The following RALYL variants were observed in gnomAD, a reference collection of about 807,000 sequenced individuals.
RALYL encodes the protein RALY RNA binding protein like.
In RALYL, 29 loss-of-function variants were observed where a neutral mutation model predicts 35.1. The ratio of observed to expected loss-of-function variants is 0.83; its 90% CI spans 0.61 to 1.13. The LOEUF is 1.13. Ranked by LOEUF, RALYL falls within the 50% of genes most tolerant of loss-of-function variation. The pLI is 0.00. For missense variants in RALYL, 359 were observed against 360.4 expected (o/e 1.00, Z 0.03); for synonymous variants, 120 against 127.6 (o/e 0.94, Z 0.40).
intron 2 of RALYL, among the ~76,000 whole-genome samples, chr8:84,535,438 CT>C (rs35056318): frequency 4.5e-4 from 60 of 134,590 alleles, no homozygotes; most frequent in South Asian, 9.4e-4. Context: ...GCATCCCTGC[CT>C]TTTTTTTTTT....
chr8:84,387,333 C>T (rs1859452117), intron 1 of RALYL, among the ~76,000 whole-genome samples: 1 of 151,844 alleles, frequency 6.6e-6, no homozygotes, highest in Non-Finnish European at 1.5e-5. Flanking sequence ...AGCATGTTAT[C>T]AAATCTTCTC....
chr8:84,906,739 G>C (rs939976336), intron 8 of RALYL, among the ~76,000 whole-genome samples: 1 of 150,670 alleles, frequency 6.6e-6, no homozygotes, highest in African/African-American at 2.4e-5. Context: ...ATTTTATCCA[G>C]ATAGCATTCA....
intron 4 of RALYL, among the ~76,000 whole-genome samples, chr8:84,843,950 C>T (rs1834010912): frequency 6.6e-6 from 1 of 152,172 alleles, no homozygotes; most frequent in South Asian, 2.1e-4. Context: ...TTCTTTACAC[C>T]TTATACAAAA....
At chr8:84,725,546 G>A (rs1156972974) in intron 2 of RALYL, among the ~76,000 whole-genome samples, 1 of 151,688 alleles carries the variant, frequency 6.6e-6, no homozygotes, top group African/African-American at 2.4e-5. Flanking sequence ...ACACATAGAA[G>A]AATGATGTTT....
chr8:84,576,842 A>C (rs1282383177), intron 2 of RALYL, among the ~76,000 whole-genome samples: 1 of 152,144 alleles, frequency 6.6e-6, no homozygotes, highest in Admixed American at 6.5e-5. Flanking sequence ...CTGGCTTCTG[A>C]AGACATTTGA....
chr8:84,572,240 G>GT (rs1486600697), intron 2 of RALYL, among the ~76,000 whole-genome samples: 2 of 151,368 alleles, frequency 1.3e-5, no homozygotes, highest in African/African-American at 2.4e-5. Context: ...TTTTGTTTTT[G>GT]TTTTTTATCC....
chr8:84,240,387 A>G (rs562051072), intron 1 of RALYL, among the ~76,000 whole-genome samples: 1 of 152,342 alleles, frequency 6.6e-6, no homozygotes. Context: ...GATCTAGAAT[A>G]TCGAAAGTCT....
intron 1 of RALYL, among the ~76,000 whole-genome samples, chr8:84,367,043 A>G (rs201061712): frequency 6.6e-6 from 1 of 151,872 alleles, no homozygotes; most frequent in East Asian, 1.9e-4. Flanking sequence ...CACTCCGTAG[A>G]AATTCTCTTG....
chr8:84,220,003 T>C (rs1008956055), intron 1 of RALYL, among the ~76,000 whole-genome samples: 1 of 152,090 alleles, frequency 6.6e-6, no homozygotes, highest in Non-Finnish European at 1.5e-5. Flanking sequence ...TTTGATTTTT[T>C]AGATGCCTGA....
chr8:84,665,167 C>T (rs973213442), intron 2 of RALYL, among the ~76,000 whole-genome samples: 1 of 151,490 alleles, frequency 6.6e-6, no homozygotes, highest in Non-Finnish European at 1.5e-5. Context: ...TGCATGAAGT[C>T]TCTTTGATTG....
At chr8:84,392,579 A>G (rs1433303229) in intron 1 of RALYL, among the ~76,000 whole-genome samples, 3 of 152,060 alleles carry the variant, frequency 2.0e-5, no homozygotes, top group Non-Finnish European at 4.4e-5. Flanking sequence ...CTATAGTGAG[A>G]GAAAGCTGAT....
chr8:84,834,311 G>A (rs1831507879), intron 4 of RALYL, among the ~76,000 whole-genome samples: 1 of 152,190 alleles, frequency 6.6e-6, no homozygotes, highest in South Asian at 2.1e-4. Flanking sequence ...CTGAGGGAGA[G>A]TACTCAAGGG....
chr8:84,740,941 C>T (rs190630420), intron 2 of RALYL, among the ~76,000 whole-genome samples: 10 of 152,030 alleles, frequency 6.6e-5, no homozygotes, highest in Admixed American at 4.6e-4. Flanking sequence ...ATTATAATTA[C>T]GCACTTTTGT....
At chr8:84,707,667 T>C (rs1841451872) in intron 2 of RALYL, among the ~76,000 whole-genome samples, 1 of 152,180 alleles carries the variant, frequency 6.6e-6, no homozygotes, top group Non-Finnish European at 1.5e-5. Context: ...AATTTAATTG[T>C]ATCAACTATT....
chr8:84,678,128 C>G (rs75539610), intron 2 of RALYL, among the ~76,000 whole-genome samples: 7,773 of 152,134 alleles, frequency 0.051, 460 homozygotes, highest in African/African-American at 0.14. Context: ...TTGCTTTTCA[C>G]CCTTTATTTT....
In RALYL at chr8:84,753,469, G is replaced by T. The variant is rs112851299; in HGVS notation, c.257-21110G>T. On this transcript the variant is annotated intron_variant, in intron 2 of 8. Coordinates refer to ENST00000521268, the MANE Select transcript of RALYL (RefSeq NM_173848.7). ...ATGTGAGGTTGTGAGATTTGGGAGG[G>T]GCCTAGGCAGAATGATAAGATTTGA... Among the ~76,000 whole-genome samples, 610 of 152,166 alleles carry T rather than the reference G, an allele frequency of 4.0e-3. 1 individual carries two copies. The highest frequency in any genetic ancestry group is 4.5e-3 in the Non-Finnish European group (307 of 68,004).
intron 1 of RALYL, among the ~76,000 whole-genome samples, chr8:84,524,908 G>A (rs1239407153): frequency 4.0e-5 from 6 of 151,550 alleles, no homozygotes; most frequent in Non-Finnish European, 7.4e-5. Flanking sequence ...AAAAACAGCC[G>A]TTCTCTAGGT....
chr8:84,257,751 A>T (rs987227170), intron 1 of RALYL, among the ~76,000 whole-genome samples: 1 of 152,146 alleles, frequency 6.6e-6, no homozygotes, highest in Non-Finnish European at 1.5e-5. Flanking sequence ...CTGGAAAGGT[A>T]CGACTCCTGA....
chr8:84,668,172 G>A (rs189130666), intron 2 of RALYL, among the ~76,000 whole-genome samples: 19 of 152,186 alleles, frequency 1.2e-4, no homozygotes, highest in Non-Finnish European at 2.2e-4. Flanking sequence ...ATGACAATCA[G>A]GAAATGCTTA....
Sources: allele counts gnomAD v4.1 joint callset (sites outside exome capture counted in the v4.1 genomes callset), GRCh38; gene constraint gnomAD v4.1.1; transcripts MANE v1.5; gene names NCBI Gene and HGNC (gene_info 2026-07-23, HGNC 2026-07-21).